The following GNL3L variants were observed in gnomAD, a reference collection of about 807,000 sequenced individuals.
The protein encoded by GNL3L is G protein nucleolar 3 like.
A neutral mutation model predicts 42.9 loss-of-function variants in GNL3L; 4 were observed. The observed-to-expected ratio is 0.09, with a 90% confidence interval of 0.05 to 0.21. GNL3L has a LOEUF of 0.21. GNL3L is among the 10% of genes least tolerant of loss of function. The probability of loss-of-function intolerance (pLI) is 1.00; values close to 1 mark genes in which losing one functional copy is unlikely to be tolerated. For synonymous variants in GNL3L, 159 were observed against 176.3 expected (o/e 0.90, Z 0.78); for missense variants, 412 against 481.7 (o/e 0.86, Z 1.36).
At chrX:54,634,045 CTCTTTG>C in the GNL3L span, among the ~76,000 whole-genome samples, 3 of 112,218 alleles carry the variant, frequency 2.7e-5, no homozygotes, top group Non-Finnish European at 5.6e-5. Context: ...TTTCAAGATT[CTCTTTG>C]TCTTTGTGTT....
intron 2 of GNL3L, among the ~76,000 whole-genome samples, chrX:54,533,346 C>T (rs927811994): frequency 1.2e-4 from 12 of 99,715 alleles, no homozygotes; most frequent in Middle Eastern, 5.1e-3. Context: ...CCAGTCTGGG[C>T]GACAGAGTGA....
At chrX:54,551,424 C>T (rs1924933185) in intron 10 of GNL3L, 144 bp from the exon 11 acceptor site, 6 of 480,176 alleles carry the variant, frequency 1.2e-5, no homozygotes, top group Middle Eastern at 6.0e-4. Context: ...CCCAGTCACC[C>T]CTCCTCCAAC....
At chrX:54,594,614 C>T (rs1467200450) in intron 16 of GNL3L, among the ~76,000 whole-genome samples, 4 of 108,715 alleles carry the variant, frequency 3.7e-5, no homozygotes, top group African/African-American at 1.3e-4. Flanking sequence ...AATTTACACT[C>T]AGTGTTATTG....
At chrX:54,532,707 C>A in intron 2 of GNL3L, 122 bp downstream of exon 2, 1 of 611,433 alleles carries the variant, frequency 1.6e-6, no homozygotes, top group Non-Finnish European at 2.8e-6. Flanking sequence ...GTCACCTAGG[C>A]TGGAGTGCAG....
At chrX:54,570,353 A>G (rs1291449180), downstream of GNL3L, among the ~76,000 whole-genome samples, 1 of 112,165 alleles carries the variant, frequency 8.9e-6, no homozygotes, top group Admixed American at 9.5e-5. Context: ...TCTAGTATAA[A>G]TATAGCTGCT....
At chrX:54,608,856 T>C (rs1235088058) in intron 16 of GNL3L, among the ~76,000 whole-genome samples, 1 of 112,098 alleles carries the variant, frequency 8.9e-6, no homozygotes, top group Non-Finnish European at 1.9e-5. Context: ...TTCTTTTCCT[T>C]TGGGTAGATA....
At chrX:54,542,333 G>C (rs1252848870) in intron 5 of GNL3L, among the ~76,000 whole-genome samples, 5 of 104,258 alleles carry the variant, frequency 4.8e-5, no homozygotes, top group Admixed American at 1.1e-4. Context: ...ACCTATGAGT[G>C]AGAACATGGG....
chrX:54,581,946 A>C (rs1925720659), intron 16 of GNL3L, among the ~76,000 whole-genome samples: 1 of 111,572 alleles, frequency 9.0e-6, no homozygotes, highest in Non-Finnish European at 1.9e-5. Flanking sequence ...GGAATTTCTG[A>C]GTTATGTAGG....
chrX:54,583,954 T>A (rs1925748755), intron 16 of GNL3L, among the ~76,000 whole-genome samples: 1 of 111,691 alleles, frequency 9.0e-6, no homozygotes, highest in African/African-American at 3.3e-5. Context: ...AAATTCAACA[T>A]CTTTTCATGA....
intron 16 of GNL3L, among the ~76,000 whole-genome samples, chrX:54,575,049 C>G (rs976022339): frequency 1.8e-5 from 2 of 111,462 alleles, no homozygotes; most frequent in Non-Finnish European, 3.8e-5. Context: ...ATTTGTTGAT[C>G]TTTTTGAAGA....
At chrX:54,575,297 C>T (rs780547340) in intron 16 of GNL3L, among the ~76,000 whole-genome samples, 1 of 112,480 alleles carries the variant, frequency 8.9e-6, no homozygotes, top group South Asian at 3.6e-4. Flanking sequence ...CTTGTGATTT[C>T]TTTTGTCCAT....
At chrX:54,552,145 C>G (rs1187495729) in intron 12 of GNL3L, 147 bp from the exon 13 acceptor site, 2 of 779,678 alleles carry the variant, frequency 2.6e-6, no homozygotes, top group Non-Finnish European at 3.8e-6. Flanking sequence ...AGTGATTATC[C>G]AGCAACTCAA....
intron 16 of GNL3L, among the ~76,000 whole-genome samples, chrX:54,572,965 G>A (rs1349666152): frequency 3.7e-5 from 4 of 108,879 alleles, no homozygotes; most frequent in East Asian, 3.0e-4. Flanking sequence ...AGGCAGAGAC[G>A]CTCCTCACTT....
At chrX:54,572,158 T>G (rs113834182), downstream of GNL3L, among the ~76,000 whole-genome samples, 1 of 108,053 alleles carries the variant, frequency 9.3e-6, no homozygotes, top group Non-Finnish European at 1.9e-5. Context: ...TGCGGCCTTC[T>G]GCAGTGTTTG....
chrX:54,554,917 A>G (rs755079403), intron 14 of GNL3L, among the ~76,000 whole-genome samples: 2 of 112,040 alleles, frequency 1.8e-5, no homozygotes, highest in Admixed American at 1.9e-4. Flanking sequence ...TAGCCCATAG[A>G]ACAGGTATCA....
At chrX:54,630,712 C>CTTTCT in the GNL3L span, among the ~76,000 whole-genome samples, 1 of 56,025 alleles carries the variant, frequency 1.8e-5, no homozygotes, top group African/African-American at 1.3e-4. Context: ...CTTTCTTTTT[C>CTTTCT]TTTCTTTCTT....
At chrX:54,546,153 A>C (rs1924769051) in intron 8 of GNL3L, among the ~76,000 whole-genome samples, 1 of 112,417 alleles carries the variant, frequency 8.9e-6, no homozygotes, top group Non-Finnish European at 1.9e-5. Context: ...AAGCCACTGC[A>C]CTCGGCCTTC....
chrX:54,554,529 G>A (rs1472436597), intron 13 of GNL3L, 36 bp from the exon 14 acceptor site: 2 of 1,196,243 alleles, frequency 1.7e-6, no homozygotes, highest in African/African-American at 3.5e-5. Context: ...ACAGAGGGGA[G>A]CCAGGGCCCT....
chrX:54,579,225 A>G (rs1028181760), intron 16 of GNL3L, among the ~76,000 whole-genome samples: 2 of 110,559 alleles, frequency 1.8e-5, no homozygotes, highest in Non-Finnish European at 3.8e-5. Context: ...ATTTTGTTGA[A>G]CTTTATCTTT....
Sources: gnomAD v4.1 joint callset for allele counts (sites outside exome capture counted in the v4.1 genomes callset) on GRCh38, gnomAD v4.1.1 for gene constraint, MANE v1.5 for transcripts, NCBI Gene and HGNC (gene_info 2026-07-23, HGNC 2026-07-21) for gene names.